Variants in TMC1 observed in about 807,000 individuals in gnomAD.
TMC1 encodes the protein transmembrane channel like 1.
TMC1 carries 84 observed loss-of-function variants against 105.8 expected under a neutral mutation model. The ratio of observed to expected loss-of-function variants is 0.79; its 90% CI spans 0.67 to 0.95. The LOEUF (loss-of-function observed/expected upper bound fraction) is 0.95. Ranked by LOEUF, TMC1 falls within the 40% of genes least tolerant of loss-of-function variation. TMC1 has a pLI of 0.00. For missense variants in TMC1, 817 were observed against 914.1 expected (o/e 0.89, Z 1.37); for synonymous variants, 315 against 311.5 (o/e 1.01, Z -0.12).
chr9:72,751,883 T>A lies in TMC1; in HGVS notation c.569T>A (p.Leu190His), dbSNP rs1410437012. 2.5e-6 allele frequency: 4 copies of A among 1,613,340 alleles called. No individual in the cohort carries two copies. In the East Asian group the frequency reaches 8.9e-5, roughly 36 times the overall value. The change falls in exon 11 of 24, where the codon CTC (leucine) becomes CAC (histidine). Residue 190 changes from leucine (L) to histidine (H), a missense_variant. By Grantham distance (99) the Leu-to-His change is moderately conservative. Coordinates refer to ENST00000297784, the MANE Select transcript of TMC1 (RefSeq NM_138691.3). ...QFGSSVASYF[L>H]FLRWMYGVNM... Reference sequence around the variant, plus strand: ...GGCTCCTCAGTGGCCTCATACTTCCTCTTCTTGAGATGGATGTATGGAGTC... The same window carrying A: ...GGCTCCTCAGTGGCCTCATACTTCCACTTCTTGAGATGGATGTATGGAGTC...
At chr9:72,565,971 T>G (rs904669712) in intron 1 of TMC1, among the ~76,000 whole-genome samples, 1 of 152,154 alleles carries the variant, frequency 6.6e-6, no homozygotes, top group Non-Finnish European at 1.5e-5. Context: ...TCAGTATGCC[T>G]GTGTGTATGC....
In TMC1 at chr9:72,552,948, A is replaced by G. The variant is rs115061117; in HGVS notation, c.-427-24954A>G. Among the ~76,000 whole-genome samples, 633 of 152,274 alleles carry G rather than the reference A, an allele frequency of 4.2e-3. 5 individuals are homozygous for G. Among genetic ancestry groups the G allele is most frequent in the African/African-American group, 0.014 (602 of 41,556 alleles). On this transcript the variant is annotated intron_variant, in intron 1 of 23. Transcript: ENST00000297784. ...ACACACGATTCTCAGAATTACGAAG[A>G]ATGTGCTGTGTAGCATTCAATTATA... is the stretch of plus-strand genomic sequence containing the variant.
At chr9:72,541,619 T>C (rs10869185) in intron 1 of TMC1, among the ~76,000 whole-genome samples, 79,145 of 150,392 alleles carry the variant, frequency 0.53, 21,675 homozygotes, top group African/African-American at 0.69. Flanking sequence ...ACCCAGGAGG[T>C]GGAGGTTGCA....
intron 8 of TMC1, among the ~76,000 whole-genome samples, chr9:72,714,528 T>G (rs1405459474): frequency 6.6e-6 from 1 of 152,198 alleles, no homozygotes; most frequent in Admixed American, 6.5e-5. Flanking sequence ...ATGCTCTTCT[T>G]TGTCTTTTTT....
chr9:72,816,635 T>C (rs1828792754), intron 19 of TMC1, among the ~76,000 whole-genome samples: 1 of 152,208 alleles, frequency 6.6e-6, no homozygotes. Context: ...ATAGCTACTT[T>C]TAAAAATAAT....
chr9:72,748,273 A>G (rs2118044235), intron 10 of TMC1, among the ~76,000 whole-genome samples: 1 of 152,228 alleles, frequency 6.6e-6, no homozygotes, highest in East Asian at 1.9e-4. Flanking sequence ...AATAGTTCCC[A>G]TTTCGTAGGG....
intron 5 of TMC1, among the ~76,000 whole-genome samples, chr9:72,662,463 C>T (rs372759130): frequency 2.0e-5 from 3 of 151,874 alleles, no homozygotes; most frequent in Admixed American, 1.3e-4. Flanking sequence ...TCCTAGAGTG[C>T]TGGCATTACA....
intron 2 of TMC1, among the ~76,000 whole-genome samples, chr9:72,594,529 A>C (rs1824688349): frequency 6.6e-6 from 1 of 152,170 alleles, no homozygotes; most frequent in East Asian, 1.9e-4. Context: ...GCTGTTTCTC[A>C]GGTGACTTTA....
intron 1 of TMC1, among the ~76,000 whole-genome samples, chr9:72,577,080 A>G (rs1388788221): frequency 1.3e-5 from 2 of 152,112 alleles, no homozygotes; most frequent in Non-Finnish European, 2.9e-5. Context: ...TACAGCATAC[A>G]ATTTAAGGAT....
At chr9:72,652,483 G>C (rs1055314614) in intron 5 of TMC1, among the ~76,000 whole-genome samples, 3 of 144,390 alleles carry the variant, frequency 2.1e-5, no homozygotes, top group Admixed American at 2.1e-4. Flanking sequence ...TAAGCCCATG[G>C]AAGAAACAGA....
intron 8 of TMC1, among the ~76,000 whole-genome samples, chr9:72,707,414 A>G (rs1158572263): frequency 3.3e-5 from 5 of 152,190 alleles, no homozygotes; most frequent in Non-Finnish European, 2.9e-5. Flanking sequence ...CATCCATGCC[A>G]ACATCTATTA....
At chr9:72,619,993 C>T (rs1825216962) in intron 3 of TMC1, among the ~76,000 whole-genome samples, 1 of 151,836 alleles carries the variant, frequency 6.6e-6, no homozygotes, top group African/African-American at 2.4e-5. Flanking sequence ...TGCCACCATG[C>T]CCAGCTAATG....
At chr9:72,578,540 A>G (rs187051765) in intron 2 of TMC1, among the ~76,000 whole-genome samples, 1 of 152,282 alleles carries the variant, frequency 6.6e-6, no homozygotes, top group African/African-American at 2.4e-5. Context: ...GCTTTTAGTT[A>G]CAGATCTTGG....
intron 1 of TMC1, among the ~76,000 whole-genome samples, chr9:72,566,527 G>A (rs1824156987): frequency 6.6e-6 from 1 of 152,134 alleles, no homozygotes; most frequent in South Asian, 2.1e-4. Flanking sequence ...GGAGGGAGAT[G>A]GAAAATGGAC....
At chr9:72,605,548 A>G (rs1453230957) in intron 2 of TMC1, among the ~76,000 whole-genome samples, 1 of 151,750 alleles carries the variant, frequency 6.6e-6, no homozygotes, top group Non-Finnish European at 1.5e-5. Flanking sequence ...TTTTGAGTGA[A>G]AATTTATAAG....
chr9:72,774,181 A>G (rs1284687284), intron 13 of TMC1, among the ~76,000 whole-genome samples: 1 of 152,170 alleles, frequency 6.6e-6, no homozygotes, highest in Non-Finnish European at 1.5e-5. Flanking sequence ...ACATCAGTAG[A>G]TTTGTATATT....
intron 6 of TMC1, among the ~76,000 whole-genome samples, chr9:72,689,515 C>A (rs1433128334): frequency 2.7e-5 from 4 of 145,670 alleles, no homozygotes; most frequent in African/African-American, 1.1e-4. Flanking sequence ...TCTAGATGTT[C>A]TATCCATTAT....
chr9:72,539,728 C>T (rs1448790503), intron 1 of TMC1, among the ~76,000 whole-genome samples: 2 of 152,208 alleles, frequency 1.3e-5, no homozygotes, highest in African/African-American at 4.8e-5. Flanking sequence ...GTCCAATGCC[C>T]TGTTCCAAAG....
chr9:72,706,990 G>A (rs951463836), intron 8 of TMC1, among the ~76,000 whole-genome samples: 1 of 152,112 alleles, frequency 6.6e-6, no homozygotes. Flanking sequence ...GGCCAGGCTG[G>A]TCTTGAACTC....
Sources: gnomAD v4.1 joint callset for allele counts (sites outside exome capture counted in the v4.1 genomes callset) on GRCh38, gnomAD v4.1.1 for gene constraint, MANE v1.5 for transcripts, NCBI Gene and HGNC (gene_info 2026-07-23, HGNC 2026-07-21) for gene names.